The following SOX5 variants were observed in gnomAD, a reference collection of about 807,000 sequenced individuals.
The protein encoded by SOX5 is transcription factor SOX-5.
Under a neutral mutation model 92.0 loss-of-function variants are expected in SOX5, and 9 were observed. The ratio of observed to expected loss-of-function variants is 0.10; its 90% CI spans 0.06 to 0.17. The LOEUF (loss-of-function observed/expected upper bound fraction) is 0.17, where lower values mean the gene tolerates loss of function less well. SOX5 is among the 10% of genes least tolerant of loss of function. SOX5 has a pLI of 1.00. For synonymous variants in SOX5, 344 were observed against 336.3 expected (o/e 1.02, Z -0.25); for missense variants, 642 against 944.5 (o/e 0.68, Z 4.20).
At chr12:24,213,996 C>G (rs767463306) in intron 3 of SOX5, among the ~76,000 whole-genome samples, 3 of 151,528 alleles carry the variant, frequency 2.0e-5, no homozygotes. Flanking sequence ...CAATACTTTA[C>G]GCAAAACATT....
At chr12:23,707,788 G>C (rs760414239) in intron 6 of SOX5, among the ~76,000 whole-genome samples, 1 of 151,984 alleles carries the variant, frequency 6.6e-6, no homozygotes, top group Non-Finnish European at 1.5e-5. Flanking sequence ...AAAGAACTAA[G>C]AAGTTAATTT....
intron 3 of SOX5, among the ~76,000 whole-genome samples, chr12:24,225,953 G>C (rs1440407386): frequency 1.3e-5 from 2 of 152,162 alleles, no homozygotes; most frequent in Non-Finnish European, 2.9e-5. Flanking sequence ...TAAAGTTTAA[G>C]TATTAAATAT....
intron 10 of SOX5, 124 bp downstream of exon 10, chr12:23,575,537 C>T: frequency 1.2e-6 from 1 of 853,064 alleles, no homozygotes; most frequent in South Asian, 1.7e-5. Flanking sequence ...GGTGGTTCCT[C>T]AAATTGAAGC....
At chr12:23,573,568 C>T (rs1948695748) in intron 10 of SOX5, among the ~76,000 whole-genome samples, 1 of 152,210 alleles carries the variant, frequency 6.6e-6, no homozygotes. Context: ...TCAACTTACT[C>T]TTCATCAGTT....
intron 7 of SOX5, among the ~76,000 whole-genome samples, chr12:23,662,053 T>C (rs1050682093): frequency 1.3e-5 from 2 of 152,162 alleles, no homozygotes; most frequent in Admixed American, 6.6e-5. Context: ...AATGAACTTG[T>C]CTCTGAATGA....
intron 2 of SOX5, among the ~76,000 whole-genome samples, chr12:24,283,653 T>A (rs966300318): frequency 1.3e-5 from 2 of 152,220 alleles, no homozygotes; most frequent in African/African-American, 4.8e-5. Context: ...TCCAACACGA[T>A]AGCGATATCT....
At chr12:24,153,731 C>T (rs1951886596) in intron 4 of SOX5, among the ~76,000 whole-genome samples, 2 of 152,094 alleles carry the variant, frequency 1.3e-5, no homozygotes, top group Admixed American at 1.3e-4. Flanking sequence ...CTGTGGAAAT[C>T]GATGCCAGAC....
rs183572313 is a variant in SOX5, at chr12:24,115,712, T to C, written c.-2+97631A>G. 3.9e-5 allele frequency among the ~76,000 whole-genome samples: 6 copies of C among 152,186 alleles called. No individual in the cohort carries two copies. In the East Asian group the frequency reaches 9.6e-4, roughly 24 times the overall value. ...TTCATCATGAAAAACAAAGAACTGC[T>C]CAAAAAGGTTATATATACACTACAG... On this transcript the variant is annotated intron_variant, in intron 4 of 4. Coordinates refer to the SOX5 transcript ENST00000446891.
intron 1 of SOX5, among the ~76,000 whole-genome samples, chr12:24,477,094 C>T (rs1397625132): frequency 6.7e-6 from 1 of 149,456 alleles, no homozygotes; most frequent in East Asian, 2.0e-4. Flanking sequence ...ATACCATACT[C>T]ATATCTCATA....
At chr12:24,353,531 A>G (rs894124330) in intron 2 of SOX5, among the ~76,000 whole-genome samples, 2 of 152,132 alleles carry the variant, frequency 1.3e-5, no homozygotes, top group Non-Finnish European at 2.9e-5. Context: ...GGAGGGGTCG[A>G]CATTCCTTGC....
intron 2 of SOX5, among the ~76,000 whole-genome samples, chr12:23,886,816 A>G (rs2097072894): frequency 6.6e-6 from 1 of 152,198 alleles, no homozygotes; most frequent in Non-Finnish European, 1.5e-5. Context: ...CAAATAACTT[A>G]AAGTGAAAGT....
At chr12:24,081,375 T>C (rs576417005) in intron 4 of SOX5, among the ~76,000 whole-genome samples, 5 of 152,186 alleles carry the variant, frequency 3.3e-5, no homozygotes, top group African/African-American at 1.2e-4. Context: ...ATGCAGTTTA[T>C]GTTCAATTTT....
intron 4 of SOX5, among the ~76,000 whole-genome samples, chr12:24,008,281 A>G (rs1253534892): frequency 6.6e-6 from 1 of 152,204 alleles, no homozygotes; most frequent in African/African-American, 2.4e-5. Flanking sequence ...ACATAGTATC[A>G]ATTATTATCA....
intron 3 of SOX5, among the ~76,000 whole-genome samples, chr12:23,779,661 C>T (rs1001174570): frequency 4.0e-5 from 6 of 151,078 alleles, no homozygotes; most frequent in African/African-American, 1.5e-4. Context: ...AAACATTAGC[C>T]TAAATCCAAT....
chr12:23,879,090 T>C (rs1465957198), intron 2 of SOX5, among the ~76,000 whole-genome samples: 1 of 152,180 alleles, frequency 6.6e-6, no homozygotes, highest in Non-Finnish European at 1.5e-5. Context: ...AATCCTTTCA[T>C]GTTTTAATAT....
At chr12:24,553,160 T>C (rs1355521274) in intron 1 of SOX5, among the ~76,000 whole-genome samples, 1 of 152,166 alleles carries the variant, frequency 6.6e-6, no homozygotes, top group Non-Finnish European at 1.5e-5. Flanking sequence ...GTGCTCCCAT[T>C]TTACAGAGAG....
intron 1 of SOX5, among the ~76,000 whole-genome samples, chr12:23,922,952 T>G (rs1938788794): frequency 6.6e-6 from 1 of 151,826 alleles, no homozygotes; most frequent in Admixed American, 6.6e-5. Context: ...TCTTTTTTTT[T>G]TTTTTGTTTT....
intron 1 of SOX5, among the ~76,000 whole-genome samples, chr12:23,926,140 A>T (rs1939864907): frequency 6.6e-6 from 1 of 152,046 alleles, no homozygotes; most frequent in South Asian, 2.1e-4. Flanking sequence ...TTTTTACTGA[A>T]ATTAGTTGAA....
intron 11 of SOX5, among the ~76,000 whole-genome samples, chr12:23,549,515 G>T (rs552880174): frequency 3.4e-4 from 51 of 152,044 alleles, no homozygotes; most frequent in Admixed American, 2.2e-3. Flanking sequence ...ATATGAAAAT[G>T]ACAAGATTGA....
Sources: gnomAD v4.1 joint callset for allele counts (sites outside exome capture counted in the v4.1 genomes callset) on GRCh38, gnomAD v4.1.1 for gene constraint, MANE v1.5 for transcripts, NCBI Gene and HGNC (gene_info 2026-07-23, HGNC 2026-07-21) for gene names.